The following PTPN1 variants were observed in gnomAD, a reference collection of about 807,000 sequenced individuals.
PTPN1 encodes the protein protein tyrosine phosphatase non-receptor type 1.
In PTPN1, 12 loss-of-function variants were observed where a neutral mutation model predicts 59.9. The observed-to-expected ratio is 0.20, with a 90% CI of 0.13 to 0.32. The LOEUF (loss-of-function observed/expected upper bound fraction) is 0.32, where lower values mean the gene tolerates loss of function less well. Ranked by LOEUF, PTPN1 falls within the 10% of genes least tolerant of loss-of-function variation. The pLI is 1.00. For synonymous variants in PTPN1, 178 were observed against 203.6 expected (o/e 0.87, Z 1.07); for missense variants, 356 against 549.2 (o/e 0.65, Z 3.52).
intron 1 of PTPN1, among the ~76,000 whole-genome samples, chr20:50,549,057 A>G (rs2082689454): frequency 6.6e-6 from 1 of 152,232 alleles, no homozygotes; most frequent in Non-Finnish European, 1.5e-5. Flanking sequence ...AAGCTATACA[A>G]TAAATTGCAT....
intron 1 of PTPN1, among the ~76,000 whole-genome samples, chr20:50,547,718 C>T (rs2082682139): frequency 6.6e-6 from 1 of 152,290 alleles, no homozygotes; most frequent in Admixed American, 6.5e-5. Context: ...TCACTGACAA[C>T]AGTATTTTCT....
chr20:50,517,325 G>T (rs925946110), intron 1 of PTPN1, among the ~76,000 whole-genome samples: 1 of 152,144 alleles, frequency 6.6e-6, no homozygotes, highest in African/African-American at 2.4e-5. Context: ...CACAATCTTG[G>T]CTCACTGCAA....
At chr20:50,548,497 C>A (rs1309258203) in intron 1 of PTPN1, among the ~76,000 whole-genome samples, 1 of 151,746 alleles carries the variant, frequency 6.6e-6, no homozygotes, top group Non-Finnish European at 1.5e-5. Flanking sequence ...ATAGTCATAG[C>A]TCACTGCAGC....
At chr20:50,536,427 A>G (rs950024559) in intron 1 of PTPN1, among the ~76,000 whole-genome samples, 1 of 152,224 alleles carries the variant, frequency 6.6e-6, no homozygotes, top group African/African-American at 2.4e-5. Flanking sequence ...GATTAATTTT[A>G]ATTGTGGAGG....
chr20:50,511,070 C>T (rs2082505174), intron 1 of PTPN1, among the ~76,000 whole-genome samples: 1 of 152,120 alleles, frequency 6.6e-6, no homozygotes, highest in Admixed American at 6.5e-5. Flanking sequence ...CGTCGAGTCC[C>T]AGAGATGACA....
chr20:50,519,289 A>C (rs1279993900), intron 1 of PTPN1, among the ~76,000 whole-genome samples: 2 of 152,220 alleles, frequency 1.3e-5, no homozygotes, highest in African/African-American at 2.4e-5. Flanking sequence ...AACTTATCAG[A>C]CATAGTTAAT....
chr20:50,578,262 GTATTTGT>G (rs1157983859), intron 5 of PTPN1, among the ~76,000 whole-genome samples, 151 bp from the exon 6 acceptor site: 1 of 152,162 alleles, frequency 6.6e-6, no homozygotes, highest in African/African-American at 2.4e-5. Flanking sequence ...CCAGGGTGTG[GTATTTGT>G]TGACTGGGTG....
chr20:50,571,090 G>A lies in PTPN1; in HGVS notation c.354+2612G>A, dbSNP rs559701956. 2.0e-5 allele frequency: 3 copies of A among 152,374 alleles called. No homozygotes were observed. The South Asian group carries it at 6.2e-4, about 32-fold the overall frequency. The allele number at this position is 152,374 out of a possible 1,614,324, so 9.4% of individuals were successfully genotyped here. A position where few individuals can be genotyped will look rare whatever the true frequency, so the allele number is the denominator to read the frequency against. On this transcript the variant is annotated intron_variant, in intron 4 of 9. Coordinates refer to ENST00000371621, the MANE Select transcript of PTPN1 (RefSeq NM_002827.4). ...ACATTACAGCAAGGAGTGGTGTCCA[G>A]CGCTGTAGTTATGTATTTGAGCAGT...
At chr20:50,526,100 T>TGC (rs761008164) in intron 1 of PTPN1, among the ~76,000 whole-genome samples, 6 of 152,286 alleles carry the variant, frequency 3.9e-5, no homozygotes, top group Admixed American at 6.5e-5. Flanking sequence ...TGTGTGTGTG[T>TGC]GCGCGTGCAG....
intron 4 of PTPN1, chr20:50,573,232 AGTC>A (rs1172835925): frequency 2.0e-5 from 3 of 152,346 alleles, no homozygotes; most frequent in Admixed American, 2.0e-4. Context: ...GCCTGCTGCC[AGTC>A]GTCTGTGATC....
At chr20:50,542,141 A>C (rs2082655867) in intron 1 of PTPN1, among the ~76,000 whole-genome samples, 1 of 152,182 alleles carries the variant, frequency 6.6e-6, no homozygotes, top group Non-Finnish European at 1.5e-5. Flanking sequence ...TGTGGTCTTC[A>C]CTCTGAAGGT....
intron 1 of PTPN1, among the ~76,000 whole-genome samples, chr20:50,561,157 G>A (rs748570459): frequency 1.4e-4 from 21 of 151,964 alleles, no homozygotes; most frequent in South Asian, 2.1e-4. Flanking sequence ...CCTCTTCCTC[G>A]TCTTTCCATC....
At chr20:50,570,099 CA>C (rs376294689) in intron 4 of PTPN1, among the ~76,000 whole-genome samples, 261 of 152,138 alleles carry the variant, frequency 1.7e-3, no homozygotes, top group African/African-American at 6.1e-3. Context: ...GCCACCTTTC[CA>C]AAAAAAGCAC....
rs6012961 is a variant in PTPN1 at position 50,540,694 on chromosome 20, G to A, written c.64-20669G>A. On this transcript the variant is annotated intron_variant, in intron 1 of 9. Coordinates refer to ENST00000371621, the MANE Select transcript of PTPN1 (RefSeq NM_002827.4). ...AATATCCAGGAAATAAGCTGCTACC[G>A]TCCAGGGTTCAGCAGAGGTGCCCAT... 8.5e-4 allele frequency among the ~76,000 whole-genome samples: 130 copies of A among 152,286 alleles called. 1 individual carries two copies. Among genetic ancestry groups the A allele is most frequent in the African/African-American group, 2.8e-3 (115 of 41,562 alleles).
chr20:50,525,823 G>T (rs1288313746), intron 1 of PTPN1, among the ~76,000 whole-genome samples: 1 of 151,906 alleles, frequency 6.6e-6, no homozygotes, highest in Admixed American at 6.6e-5. Flanking sequence ...CATGGAACAT[G>T]TGGCAGAAGT....
chr20:50,578,867 C>G (rs1165658243), intron 6 of PTPN1, among the ~76,000 whole-genome samples: 1 of 152,208 alleles, frequency 6.6e-6, no homozygotes, highest in Non-Finnish European at 1.5e-5. Context: ...TGCTCGGCTC[C>G]TGGGGAGGCC....
chr20:50,545,577 T>G (rs1483034592), intron 1 of PTPN1, among the ~76,000 whole-genome samples: 8 of 152,226 alleles, frequency 5.3e-5, no homozygotes, highest in Non-Finnish European at 1.2e-4. Context: ...TAATGTATGA[T>G]GCACGTGGTT....
intron 8 of PTPN1, 141 bp from the exon 9 acceptor site, chr20:50,581,124 C>G: frequency 7.3e-7 from 1 of 1,371,084 alleles, no homozygotes; most frequent in South Asian, 1.7e-5. Context: ...GCAGAGGGGG[C>G]TGGCTCGCTG....
At chr20:50,513,282 T>G (rs2082515011) in intron 1 of PTPN1, among the ~76,000 whole-genome samples, 1 of 152,244 alleles carries the variant, frequency 6.6e-6, no homozygotes, top group Admixed American at 6.5e-5. Context: ...AAACATTGTT[T>G]TCTAGCATTT....
Sources: gnomAD v4.1 joint callset for allele counts (sites outside exome capture counted in the v4.1 genomes callset) on GRCh38, gnomAD v4.1.1 for gene constraint, MANE v1.5 for transcripts, NCBI Gene and HGNC (gene_info 2026-07-23, HGNC 2026-07-21) for gene names.